TTN: variants seen among roughly 807,000 people sequenced by gnomAD.
TTN encodes connectin.
TTN carries 1,525 observed loss-of-function variants against 3,223.0 expected under a neutral mutation model. The observed-to-expected ratio is 0.47, with a 90% confidence interval of 0.45 to 0.49. The LOEUF is 0.49. TTN is among the 20% of genes least tolerant of loss of function. The pLI is 0.00. For synonymous variants in TTN, 14,094 were observed against 15,161.0 expected, an observed-to-expected ratio of 0.93 and a Z score of 5.17; for missense variants, 40,786 against 43,424.0, an observed-to-expected ratio of 0.94 and a Z score of 5.40.
chr2:178,704,717 A>G lies in TTN; in HGVS notation c.29755T>C (p.Phe9919Leu). Residue 9919 changes from phenylalanine (F) to leucine (L), a missense_variant, in exon 105 of 363, where the codon TTT (phenylalanine) becomes CTT (leucine). Coordinates refer to ENST00000589042, the MANE Select transcript of TTN (RefSeq NM_001267550.2). ...QTVLKDNDAV[F>L]EIDIKINYPE... The stretch of plus-strand genomic sequence containing the variant: ...TAATTAATTTTAATGTCAATTTCAA[A>G]GACAGCATCATTATCTTTCAAAACT... 1 of 1,611,394 alleles carries G rather than the reference A, an allele frequency of 6.2e-7. No individual in the cohort carries two copies. The highest frequency in any genetic ancestry group is 1.1e-5 in the South Asian group (1 of 90,970).
intron 350 of TTN, among the ~76,000 whole-genome samples, chr2:178,540,612 A>G (rs1464960649): frequency 6.6e-6 from 1 of 152,150 alleles, no homozygotes; most frequent in East Asian, 1.9e-4. Flanking sequence ...CCTGGCCAAC[A>G]TGGTGAAACC....
intron 249 of TTN, 49 bp downstream of exon 249, chr2:178,619,939 A>G (rs766711054): frequency 1.9e-6 from 3 of 1,595,334 alleles, no homozygotes; most frequent in Admixed American, 1.8e-5. Context: ...TTGATTAACA[A>G]TTTTAAAAAA....
At position 178,572,789 on chromosome 2, in the gene TTN, A is replaced by T; in HGVS notation, c.73343T>A (p.Leu24448His). 5 of 1,613,490 alleles carry T rather than the reference A, an allele frequency of 3.1e-6. No homozygotes were observed. Among genetic ancestry groups the T allele is most frequent in the Non-Finnish European group, 4.2e-6 (5 of 1,179,598 alleles). The change falls in exon 326 of 363, where the codon CTT becomes CAT. Residue 24448 changes from leucine to histidine, a missense_variant. Transcript: ENST00000589042. The stretch of plus-strand genomic sequence containing the variant: ...AGGCCTTCCTTTGATGGGAACAAAA[A>T]GTCTCAGGGTGCAGCAGGCCCTTAT... ...VTIRACCTLR[L>H]FVPIKGRPAP...
At chr2:178,763,340 G>A (rs1403474581) in intron 43 of TTN, among the ~76,000 whole-genome samples, 1 of 152,186 alleles carries the variant, frequency 6.6e-6, no homozygotes, top group Non-Finnish European at 1.5e-5. Context: ...GATGAGCACT[G>A]TGCTATGTGC....
intron 69 of TTN, chr2:178,726,426 T>C (rs2129109): frequency 6.3e-6 from 1 of 159,326 alleles, no homozygotes; most frequent in Admixed American, 6.5e-5. Flanking sequence ...ATATGTTCTA[T>C]AACAGACACT....
At chr2:178,637,334 G>A (rs1186177024) in intron 224 of TTN, 35 bp downstream of exon 224, 30 of 1,411,564 alleles carry the variant, frequency 2.1e-5, no homozygotes, top group Non-Finnish European at 2.8e-5. Flanking sequence ...CAGAGTGGAA[G>A]GTTACAATGC....
At chr2:178,670,548 GCTATTA>G (rs1451965761) in intron 156 of TTN, among the ~76,000 whole-genome samples, 1 of 151,880 alleles carries the variant, frequency 6.6e-6, no homozygotes, top group Admixed American at 6.6e-5. Context: ...TTCAGCTGGT[GCTATTA>G]CTGTTTGTTT....
At chr2:178,690,708 C>T (rs2072181977) in intron 121 of TTN, among the ~76,000 whole-genome samples, 1 of 152,076 alleles carries the variant, frequency 6.6e-6, no homozygotes, top group Non-Finnish European at 1.5e-5. Flanking sequence ...TGCACCTCTG[C>T]ACGTGCATTT....
chr2:178,707,788 A>G lies in TTN; in HGVS notation c.28779T>C (p.Asp9593=). 8.1e-6 allele frequency: 13 copies of G among 1,603,500 alleles called. No individual in the cohort carries two copies. Among genetic ancestry groups the G allele is most frequent in the Non-Finnish European group, 1.1e-5 (13 of 1,172,346 alleles). ...IKEPKKPPVF[D]QHLTPVTVSE... is the part of the protein sequence containing the mutation. ...TCACTGTTACTGGAGTAAGGTGCTGATCAAATACAGGTGGCTTCTTAGGTT... is the reference window on the plus strand; with the variant it reads ...TCACTGTTACTGGAGTAAGGTGCTGGTCAAATACAGGTGGCTTCTTAGGTT... The change falls in exon 100 of 363, where the codon GAT becomes GAC. Residue 9593 remains aspartate, a synonymous_variant. Transcript: ENST00000589042.
intron 43 of TTN, among the ~76,000 whole-genome samples, chr2:178,762,309 A>G (rs1420196868): frequency 6.6e-6 from 1 of 152,242 alleles, no homozygotes; most frequent in Admixed American, 6.5e-5. Flanking sequence ...AAACCACTAT[A>G]TGTGTACAGA....
chr2:178,726,257 G>C, intron 69 of TTN: 1 of 482,292 alleles, frequency 2.1e-6, no homozygotes, highest in South Asian at 4.7e-5. Context: ...ATAGATCCTA[G>C]ATGTCGTTAC....
In TTN at chr2:178,775,134, T is replaced by C. The variant is rs147148170; in HGVS notation, c.6577A>G (p.Thr2193Ala). 1 of 1,613,916 alleles carries C rather than the reference T, an allele frequency of 6.2e-7. No individual in the cohort carries two copies. Among genetic ancestry groups the C allele is most frequent in the Non-Finnish European group, 8.5e-7 (1 of 1,179,968 alleles). Residue 2193 changes from threonine to alanine, a missense_variant, in exon 29 of 363, where the codon ACC becomes GCC. Thr to Ala is a moderately conservative substitution (Grantham distance 58). Transcript: ENST00000589042. ...GGTTCTGAAGTTTCACATTCAAAGG[T>C]TGCCATAGTGTCTTTTTCCTTAGCA... ...VVAKEKDTMA[T>A]FECETSEPFV...
At position 178,664,921 on chromosome 2, in the gene TTN, C is replaced by T. The variant is rs777140466; in HGVS notation, c.36049G>A (p.Glu12017Lys). The T allele has an allele frequency of 8.7e-6, 14 of 1,606,662 alleles. No homozygotes were observed. In the East Asian group the frequency reaches 8.9e-5, roughly 10 times the overall value. ...EPETPRMKTP[E>K]APQEIIPAKT... ...GCAGGAATAATTTCTTGAGGAGCTT[C>T]GGGCGCTTGAAAGATATTAGCAATT... Residue 12017 changes from glutamate to lysine, a missense_variant, in exon 166 of 363, where the codon GAA becomes AAA. By Grantham distance (56) the Glu-to-Lys change is moderately conservative (BLOSUM62 1). Transcript: ENST00000589042.
chr2:178,609,189 T>C lies in TTN; in HGVS notation c.52102+19A>G. 6.7e-7 allele frequency: 1 copy of C among 1,482,744 alleles called. No individual in the cohort carries two copies. The highest frequency in any genetic ancestry group is 8.9e-7 in the Non-Finnish European group (1 of 1,121,952). 91.8% of individuals were successfully genotyped at this position (1,482,744 alleles called of 1,614,324 possible). On this transcript the variant is annotated intron_variant, in intron 273 of 362. Transcript: ENST00000589042. ...ACTAAAACCTTTTTCCATTGGAAAG[T>C]GTAGTTTTAATGACTCACCTAACAC...
Position 178,791,920 on chromosome 2 carries a change from C to T in TTN, c.1662+152G>A. The stretch of plus-strand genomic sequence containing the variant: ...AGTGCAATGTGAACATAATTTCCAT[C>T]CTGAGTTTCAATACTAGACATAGAG... On this transcript the variant is annotated intron_variant, in intron 10 of 362. Transcript: ENST00000589042. 5 of 759,088 alleles carry T rather than the reference C, an allele frequency of 6.6e-6. No individual in the cohort carries two copies. In the South Asian group the frequency reaches 7.4e-5, roughly 11 times the overall value. The allele number at this position is 759,088 out of a possible 1,614,324, so 47.0% of individuals were successfully genotyped here. A position where few individuals can be genotyped will look rare whatever the true frequency, so the allele number is the denominator to read the frequency against.
rs1370265685 is a variant in TTN, at chr2:178,591,190, T to C, written c.60535A>G (p.Ile20179Val). ...LDVPGPPTGP[I>V]NILDVTPEHM... ...TCAGGAGTAACATCCAGAATATTAA[T>C]AGGACCTGTTGGTGGCCCAGGAACA... The change falls in exon 304 of 363, where the codon ATT becomes GTT. Residue 20179 changes from isoleucine (I) to valine (V), a missense_variant. Coordinates refer to ENST00000589042, the MANE Select transcript of TTN (RefSeq NM_001267550.2). 1.6e-5 allele frequency: 26 copies of C among 1,613,430 alleles called. No individual in the cohort carries two copies. Among genetic ancestry groups the C allele is most frequent in the Non-Finnish European group, 2.2e-5 (26 of 1,179,568 alleles).
In TTN at chr2:178,792,205, G is replaced by T; in HGVS notation, c.1537-8C>A. Reference sequence around the variant, plus strand: ...TTCAGTTTCTTTTCTTATCTGCAAAGAATGATTTAAGAAAAAACTTTATTT... The same window carrying T: ...TTCAGTTTCTTTTCTTATCTGCAAATAATGATTTAAGAAAAAACTTTATTT... On this transcript the variant is annotated splice_region_variant and splice_polypyrimidine_tract_variant and intron_variant, in intron 9 of 362. Coordinates refer to ENST00000589042, the MANE Select transcript of TTN (RefSeq NM_001267550.2). 6.2e-7 allele frequency: 1 copy of T among 1,600,334 alleles called. No homozygotes were observed. Among genetic ancestry groups the T allele is most frequent in the Non-Finnish European group, 8.5e-7 (1 of 1,176,340 alleles).
Position 178,594,628 on chromosome 2 carries a change from T to G in TTN, c.57866A>C (p.Glu19289Ala). 6.2e-7 allele frequency: 1 copy of G among 1,610,048 alleles called. No homozygotes were observed. Among genetic ancestry groups the G allele is most frequent in the Non-Finnish European group, 8.5e-7 (1 of 1,177,598 alleles). The change falls in exon 296 of 363, where the codon GAA (glutamate) becomes GCA (alanine). Residue 19289 changes from glutamate to alanine, a missense_variant. Glu to Ala is a moderately radical substitution (Grantham distance 107). Transcript: ENST00000589042. ...AGTAACTTCTTTGACTTCCAGGTCTTCAGGACGCTCTGGTACAGCTGCGAA... is the reference window on the plus strand; with the variant it reads ...AGTAACTTCTTTGACTTCCAGGTCTGCAGGACGCTCTGGTACAGCTGCGAA... ...REPITVPERPEDLEVKEVTKN... is the reference protein window; with the variant it reads ...REPITVPERPADLEVKEVTKN...
At position 178,530,288 on chromosome 2, in the gene TTN, C is replaced by T. The variant is rs1369230756; in HGVS notation, c.106327G>A (p.Ala35443Thr). The T allele has an allele frequency of 6.2e-7, 1 of 1,613,218 alleles. No individual in the cohort carries two copies. The highest frequency in any genetic ancestry group is 1.7e-5 in the Admixed American group (1 of 60,008). The change falls in exon 358 of 363, where the codon GCT becomes ACT. Residue 35443 changes from alanine (A) to threonine (T), a missense_variant. Ala to Thr is a moderately conservative substitution (Grantham distance 58, BLOSUM62 0). Coordinates refer to ENST00000589042, the MANE Select transcript of TTN (RefSeq NM_001267550.2). The stretch of plus-strand genomic sequence containing the variant: ...GCAGTTGGCCGGGGTTCTCCAGTAG[C>T]CTTAACTGCAAATTTAGCAACACTG... Reference protein sequence around the residue: ...SDSVAKFAVKATGEPRPTAIW... With the variant: ...SDSVAKFAVKTTGEPRPTAIW...
Sources: gnomAD v4.1 joint callset for allele counts (sites outside exome capture counted in the v4.1 genomes callset) on GRCh38, gnomAD v4.1.1 for gene constraint, MANE v1.5 for transcripts, NCBI Gene and HGNC (gene_info 2026-07-23, HGNC 2026-07-21) for gene names.